Variants in CORO2A observed in about 807,000 individuals in gnomAD.
CORO2A encodes coronin-2A.
In CORO2A, 47 loss-of-function variants were observed where a neutral mutation model predicts 62.4. That is an observed-to-expected ratio of 0.75 (90% confidence interval 0.60 to 0.96). The LOEUF is 0.96. Ranked by LOEUF, CORO2A falls within the 40% of genes least tolerant of loss-of-function variation. The probability of loss-of-function intolerance (pLI) is 0.00; values close to 1 mark genes in which losing one functional copy is unlikely to be tolerated. For synonymous variants in CORO2A, 273 were observed against 268.9 expected, an observed-to-expected ratio of 1.02 and a Z score of -0.15; for missense variants, 610 against 684.1, an observed-to-expected ratio of 0.89 and a Z score of 1.21.
chr9:98,189,106 T>C (rs1828274762), intron 1 of CORO2A, among the ~76,000 whole-genome samples: 1 of 152,188 alleles, frequency 6.6e-6, no homozygotes, highest in Non-Finnish European at 1.5e-5. Flanking sequence ...GTATATCTTT[T>C]TCCATTTAGG....
At chr9:98,190,032 G>A (rs1395215599) in intron 1 of CORO2A, among the ~76,000 whole-genome samples, 1 of 152,062 alleles carries the variant, frequency 6.6e-6, no homozygotes, top group Non-Finnish European at 1.5e-5. Context: ...TTACAGGCAT[G>A]TGCCACCACA....
chr9:98,134,959 G>A lies in CORO2A; in HGVS notation c.319-4C>T, dbSNP rs375671314. 1.2e-6 allele frequency: 2 copies of A among 1,613,584 alleles called. No homozygotes were observed. Among genetic ancestry groups the A allele is most frequent in the African/African-American group, 2.7e-5 (2 of 74,892 alleles). ...TGGGGATGCTCCAGATCTTAATCTG[G>A]CAGGGGAGACAGGGCCCAAGGCAGC... On this transcript the variant is annotated splice_polypyrimidine_tract_variant and splice_region_variant and intron_variant, in intron 3 of 11. Transcript: ENST00000375077.
intron 1 of CORO2A, among the ~76,000 whole-genome samples, chr9:98,163,863 G>A (rs191655164): frequency 5.2e-4 from 79 of 152,200 alleles, no homozygotes; most frequent in African/African-American, 1.9e-3. Context: ...GTTAGCTGCA[G>A]GGTGGCTGAA....
chr9:98,186,842 C>T (rs982238943), intron 1 of CORO2A, among the ~76,000 whole-genome samples: 1 of 152,146 alleles, frequency 6.6e-6, no homozygotes, highest in African/African-American at 2.4e-5. Context: ...TCCTCCTGCT[C>T]ACCTGGCCTG....
At chr9:98,164,811 A>C (rs984098589) in intron 1 of CORO2A, among the ~76,000 whole-genome samples, 4 of 152,158 alleles carry the variant, frequency 2.6e-5, no homozygotes, top group African/African-American at 9.7e-5. Context: ...CGCTCTCCAC[A>C]GAAGTAGGGC....
intron 1 of CORO2A, among the ~76,000 whole-genome samples, chr9:98,165,205 C>T (rs1271383813): frequency 6.6e-6 from 1 of 152,298 alleles, no homozygotes; most frequent in Admixed American, 6.5e-5. Context: ...GCGATCCTCA[C>T]ACCTCAGCCT....
At chr9:98,174,115 A>AC (rs1466335421) in intron 1 of CORO2A, among the ~76,000 whole-genome samples, 1 of 56,952 alleles carries the variant, frequency 1.8e-5, no homozygotes. Context: ...TCCCCCGCCC[A>AC]CCCCCCACCG....
chr9:98,147,079 C>T (rs939567221), intron 2 of CORO2A, among the ~76,000 whole-genome samples: 2 of 151,944 alleles, frequency 1.3e-5, no homozygotes, highest in African/African-American at 4.8e-5. Context: ...CCAGCCTGGG[C>T]AACATAGTGA....
rs540553358 is a variant in CORO2A, at chr9:98,179,395, A to G, written c.-1+13164T>C. 3.2e-4 allele frequency among the ~76,000 whole-genome samples: 49 copies of G among 152,274 alleles called. 1 individual carries two copies. The highest frequency in any genetic ancestry group is 3.3e-4 in the Admixed American group (5 of 15,302). ...CATGGGTCCTGGGTCTCATGAAGCA[A>G]TGACCTGCAATCCTGCTCCTATCTC... On this transcript the variant is annotated intron_variant, in intron 1 of 11. Coordinates refer to ENST00000375077, the MANE Select transcript of CORO2A (RefSeq NM_052820.4).
chr9:98,170,380 G>A (rs1828017720), intron 1 of CORO2A, among the ~76,000 whole-genome samples: 1 of 152,228 alleles, frequency 6.6e-6, no homozygotes, highest in Non-Finnish European at 1.5e-5. Context: ...TAGGAGCCAA[G>A]GGGCTGGGCC....
intron 1 of CORO2A, among the ~76,000 whole-genome samples, chr9:98,173,825 G>GC (rs1287605723): frequency 1.3e-5 from 2 of 152,182 alleles, no homozygotes; most frequent in Non-Finnish European, 2.9e-5. Flanking sequence ...TTAAGAGCGT[G>GC]TAGCCTTTGG....
intron 5 of CORO2A, 60 bp downstream of exon 5, chr9:98,132,978 C>T: frequency 1.3e-6 from 2 of 1,583,318 alleles, no homozygotes; most frequent in Non-Finnish European, 8.6e-7. Context: ...AAGCCTCTCT[C>T]TGTCCCCACT....
chr9:98,143,832 A>G (rs902442976), intron 2 of CORO2A, among the ~76,000 whole-genome samples: 3 of 152,228 alleles, frequency 2.0e-5, no homozygotes, highest in Admixed American at 6.5e-5. Flanking sequence ...CCATGAATGA[A>G]CTAGTGGCTT....
intron 1 of CORO2A, among the ~76,000 whole-genome samples, chr9:98,165,648 A>G (rs1367890336): frequency 6.6e-6 from 1 of 152,244 alleles, no homozygotes; most frequent in South Asian, 2.1e-4. Context: ...AACTTTGCAC[A>G]TTAGAATCAC....
chr9:98,164,406 A>T lies in CORO2A; in HGVS notation c.1-6746T>A, dbSNP rs536204727. Among the ~76,000 whole-genome samples the T allele has an allele frequency of 5.3e-5, 8 of 152,326 alleles. No individual in the cohort carries two copies. The South Asian group carries it at 1.7e-3, about 32-fold the overall frequency. ...CTGGGAAAGCTCTTTTCAGTCATCC[A>T]GAATCCTTATGGGGTCTCTGATCCA... On this transcript the variant is annotated intron_variant, in intron 1 of 11. Transcript: ENST00000375077.
At chr9:98,172,478 ACCCCACACCCCACTTCCAAGCTCAG>A (rs1432498329) in intron 1 of CORO2A, 3 of 71,858 alleles carry the variant, frequency 4.2e-5, no homozygotes, top group Admixed American at 1.6e-4. Context: ...CACTTCTGAG[ACCCCACACCCCACTTCCAAGCTCAG>A]CCCCACACCC....
At chr9:98,153,406 C>CTT (rs748913791) in intron 2 of CORO2A, among the ~76,000 whole-genome samples, 16 of 129,504 alleles carry the variant, frequency 1.2e-4, no homozygotes, top group African/African-American at 2.9e-4. Flanking sequence ...CGGCTGATAA[C>CTT]TTTTTTTTTT....
At chr9:98,184,604 G>A (rs923027693) in intron 1 of CORO2A, among the ~76,000 whole-genome samples, 1 of 152,066 alleles carries the variant, frequency 6.6e-6, no homozygotes, top group Non-Finnish European at 1.5e-5. Flanking sequence ...CAGGTCCCAG[G>A]CCTCTACAGG....
chr9:98,147,827 A>G (rs897001282), intron 2 of CORO2A, among the ~76,000 whole-genome samples: 42 of 152,232 alleles, frequency 2.8e-4, no homozygotes, highest in Non-Finnish European at 5.4e-4. Flanking sequence ...AAAAATATGT[A>G]CACAAATGTT....
Sources: allele counts gnomAD v4.1 joint callset (sites outside exome capture counted in the v4.1 genomes callset), GRCh38; gene constraint gnomAD v4.1.1; transcripts MANE v1.5; gene names NCBI Gene and HGNC (gene_info 2026-07-23, HGNC 2026-07-21).